Variants in COMMD10 observed in about 807,000 individuals in gnomAD.
The protein encoded by COMMD10 is COMM domain-containing protein 10.
In COMMD10, 33 loss-of-function variants were observed where a neutral mutation model predicts 28.9. That is an observed-to-expected ratio of 1.14 (90% CI 0.87 to 1.53). The LOEUF (loss-of-function observed/expected upper bound fraction) is 1.53, where lower values mean the gene tolerates loss of function less well. Ranked by LOEUF, COMMD10 falls within the 40% of genes most tolerant of loss-of-function variation. The pLI is 0.00. For missense variants in COMMD10, 310 were observed against 233.4 expected (o/e 1.33, Z -2.14); for synonymous variants, 110 against 81.7 (o/e 1.35, Z -1.87).
chr5:116,264,945 C>A (rs1163039341), intron 5 of COMMD10, among the ~76,000 whole-genome samples: 1 of 151,784 alleles, frequency 6.6e-6, no homozygotes, highest in Non-Finnish European at 1.5e-5. Flanking sequence ...TTCAGAGTAG[C>A]TAACATTTAA....
rs1483280430 is a variant in COMMD10, at chr5:116,236,871, G to A, written c.511-54646G>A. ...TGACTGTAACAAATGTACTACTCTG[G>A]TGGGGGATACTGATAATAGTAGGGG... On this transcript the variant is annotated intron_variant, in intron 5 of 6. Transcript: ENST00000274458. 2.6e-5 allele frequency among the ~76,000 whole-genome samples: 4 copies of A among 152,086 alleles called. No homozygotes were observed. In the East Asian group the frequency reaches 5.8e-4, roughly 22 times the overall value.
chr5:116,280,008 A>G (rs1345129508), intron 5 of COMMD10, among the ~76,000 whole-genome samples: 2 of 151,886 alleles, frequency 1.3e-5, no homozygotes, highest in South Asian at 2.1e-4. Context: ...TGAAAGTGCT[A>G]TAGCGATCTG....
chr5:116,244,256 A>G (rs1219806484), intron 5 of COMMD10, among the ~76,000 whole-genome samples: 2 of 152,102 alleles, frequency 1.3e-5, no homozygotes, highest in African/African-American at 4.8e-5. Context: ...ACCAGGTATC[A>G]GTAATTGATT....
At chr5:116,264,059 G>A (rs1750519579) in intron 5 of COMMD10, among the ~76,000 whole-genome samples, 1 of 151,794 alleles carries the variant, frequency 6.6e-6, no homozygotes, top group South Asian at 2.1e-4. Context: ...GTGAACCTAT[G>A]TACCTACTAT....
intron 5 of COMMD10, among the ~76,000 whole-genome samples, chr5:116,258,250 G>T (rs28558935): frequency 0.1 from 15,702 of 151,548 alleles, 1,275 homozygotes; most frequent in African/African-American, 0.2. Flanking sequence ...TTAGAATTTT[G>T]TAGTATATCT....
chr5:116,291,862 T>A (rs1313677449), intron 6 of COMMD10, among the ~76,000 whole-genome samples: 2 of 152,112 alleles, frequency 1.3e-5, no homozygotes, highest in East Asian at 3.9e-4. Flanking sequence ...ACACTGACAC[T>A]TTAAATATAT....
intron 5 of COMMD10, among the ~76,000 whole-genome samples, chr5:116,249,817 CT>C: frequency 6.6e-6 from 1 of 151,868 alleles, no homozygotes; most frequent in East Asian, 1.9e-4. Flanking sequence ...GGGGGGAATT[CT>C]TGGCAAGAGA....
At chr5:116,103,377 G>C (rs1472761661) in intron 4 of COMMD10, among the ~76,000 whole-genome samples, 1 of 152,120 alleles carries the variant, frequency 6.6e-6, no homozygotes, top group Non-Finnish European at 1.5e-5. Flanking sequence ...GGCATGAGAT[G>C]GTATCTCATT....
intron 5 of COMMD10, among the ~76,000 whole-genome samples, chr5:116,269,607 G>T (rs1750701278): frequency 6.6e-6 from 1 of 151,536 alleles, no homozygotes; most frequent in South Asian, 2.1e-4. Context: ...GTTTTAAATT[G>T]TATGGTTTTC....
chr5:116,276,703 TG>T (rs1273310604), intron 5 of COMMD10, among the ~76,000 whole-genome samples: 1 of 151,872 alleles, frequency 6.6e-6, no homozygotes, highest in Non-Finnish European at 1.5e-5. Context: ...TACTGATACA[TG>T]CTACAACATG....
chr5:116,208,317 C>A (rs72804886), intron 5 of COMMD10, among the ~76,000 whole-genome samples: 1,671 of 151,966 alleles, frequency 0.011, 23 homozygotes, highest in South Asian at 0.029. Flanking sequence ...TTTGGAATAC[C>A]CTCTGTTCAC....
In COMMD10 at chr5:116,234,777, A is replaced by G. The variant is rs545879118; in HGVS notation, c.511-56740A>G. On this transcript the variant is annotated intron_variant, in intron 5 of 6. Transcript: ENST00000274458. The stretch of plus-strand genomic sequence containing the variant: ...AATTTCACTTATAAGGGTAAAGAGT[A>G]CTGATTTTAAAAGGTTCTCAGAGTC... 3.9e-5 allele frequency among the ~76,000 whole-genome samples: 6 copies of G among 152,348 alleles called. No individual in the cohort carries two copies. The South Asian group carries it at 1.2e-3, about 32-fold the overall frequency.
chr5:116,225,473 C>T (rs1473491298), intron 5 of COMMD10, among the ~76,000 whole-genome samples: 8 of 143,608 alleles, frequency 5.6e-5, no homozygotes, highest in African/African-American at 2.0e-4. Flanking sequence ...GTTTTTTGTT[C>T]TAGTAGGCAA....
chr5:116,254,956 G>A (rs1468475962), intron 5 of COMMD10, among the ~76,000 whole-genome samples: 5 of 151,306 alleles, frequency 3.3e-5, no homozygotes, highest in African/African-American at 1.2e-4. Flanking sequence ...GGTCACTCAG[G>A]ACTTGCTTTA....
intron 5 of COMMD10, among the ~76,000 whole-genome samples, chr5:116,167,387 A>T (rs113354056): frequency 6.6e-5 from 10 of 152,288 alleles, no homozygotes; most frequent in African/African-American, 2.2e-4. Context: ...CCTGAAAGTG[A>T]TGGGGAGAAT....
At chr5:116,198,716 G>A (rs1396668019) in intron 5 of COMMD10, among the ~76,000 whole-genome samples, 2 of 152,122 alleles carry the variant, frequency 1.3e-5, no homozygotes, top group Non-Finnish European at 2.9e-5. Flanking sequence ...CATACAGTAT[G>A]AAGTCTTCTC....
intron 5 of COMMD10, among the ~76,000 whole-genome samples, chr5:116,192,246 A>T (rs1390974042): frequency 8.2e-6 from 1 of 121,434 alleles, no homozygotes; most frequent in Middle Eastern, 3.6e-3. Flanking sequence ...ATATGACAAA[A>T]GAAGGCTCTT....
In COMMD10 at chr5:116,251,868, C is replaced by T. The variant is rs529852101; in HGVS notation, c.511-39649C>T. On this transcript the variant is annotated intron_variant, in intron 5 of 6. Coordinates refer to ENST00000274458, the MANE Select transcript of COMMD10 (RefSeq NM_016144.4). ...GTTCTAGATCCCTGAGGATTCGCCA[C>T]ACTGACTTCCACAAGGGTTGAACTA... 2.0e-5 allele frequency among the ~76,000 whole-genome samples: 3 copies of T among 152,194 alleles called. No homozygotes were observed. In the South Asian group the frequency reaches 6.2e-4, roughly 32 times the overall value.
At chr5:116,136,490 C>CTTA (rs1752028347) in intron 5 of COMMD10, among the ~76,000 whole-genome samples, 1 of 152,198 alleles carries the variant, frequency 6.6e-6, no homozygotes, top group African/African-American at 2.4e-5. Flanking sequence ...ATTGGATATG[C>CTTA]TTTAAGCATC....
Sources: gnomAD v4.1 joint callset for allele counts (sites outside exome capture counted in the v4.1 genomes callset) on GRCh38, gnomAD v4.1.1 for gene constraint, MANE v1.5 for transcripts, NCBI Gene and HGNC (gene_info 2026-07-23, HGNC 2026-07-21) for gene names.